Variants in KAT6B observed in about 807,000 individuals in gnomAD.
KAT6B encodes lysine acetyltransferase 6B, also known as histone acetyltransferase KAT6B.
Under a neutral mutation model 187.5 loss-of-function variants are expected in KAT6B, and 10 were observed. The observed-to-expected ratio is 0.05, with a 90% confidence interval of 0.03 to 0.09. The LOEUF (loss-of-function observed/expected upper bound fraction) is 0.09. Among genes scored for constraint, KAT6B ranks in the 10% least tolerant of loss-of-function variants. The pLI, the probability that KAT6B is intolerant of heterozygous loss-of-function variation, is 1.00. For synonymous variants in KAT6B, 861 were observed against 926.8 expected (o/e 0.93, Z 1.29); for missense variants, 1,952 against 2,558.9 (o/e 0.76, Z 5.12).
At chr10:74,975,054 C>G (rs1321155984) in intron 7 of KAT6B, among the ~76,000 whole-genome samples, 2 of 152,212 alleles carry the variant, frequency 1.3e-5, no homozygotes, top group Non-Finnish European at 2.9e-5. Flanking sequence ...TTCAGGAAAT[C>G]ATAACTACTT....
At chr10:74,912,879 A>G (rs1847348520) in intron 3 of KAT6B, among the ~76,000 whole-genome samples, 1 of 152,156 alleles carries the variant, frequency 6.6e-6, no homozygotes, top group Admixed American at 6.6e-5. Context: ...TGATTCCCCA[A>G]CATCAGCCCC....
intron 3 of KAT6B, among the ~76,000 whole-genome samples, 194 bp from the exon 4 acceptor site, chr10:74,959,776 G>A (rs758946904): frequency 7.9e-5 from 12 of 152,250 alleles, no homozygotes; most frequent in East Asian, 1.9e-4. Flanking sequence ...GCGACAGAGC[G>A]AGACTTCGTC....
At position 75,030,827 on chromosome 10, in the gene KAT6B, G is replaced by C. The variant is rs750868247; in HGVS notation, c.6003G>C (p.Met2001Ile). ...ATGGGTACAGCATGTCCCAGCCAAT[G>C]ATGAACAGTGGCTACCACAGCAATC... ...AMNGYSMSQPMMNSGYHSNHG... is the reference protein window; with the variant it reads ...AMNGYSMSQPIMNSGYHSNHG... Residue 2001 changes from methionine (M) to isoleucine (I), a missense_variant, in exon 18 of 18, where the codon ATG (methionine) becomes ATC (isoleucine). Met to Ile is a conservative substitution (Grantham distance 10, BLOSUM62 1). This residue lies in a region of KAT6B where 358 missense variants were observed against 436.3 expected (regional missense o/e 0.82). Transcript: ENST00000287239. This position sits in a 1 kb window ranked among gnomAD's most constrained non-coding sequence, Gnocchi z 4.8. 7 of 1,614,102 alleles carry C rather than the reference G, an allele frequency of 4.3e-6. No homozygotes were observed. The African/African-American group carries it at 9.3e-5, about 22-fold the overall frequency.
In KAT6B at chr10:75,031,596, T is replaced by G. The variant is rs1259810090; in HGVS notation, c.*550T>G. The G allele has an allele frequency of 4.6e-6, 1 of 218,624 alleles. No individual in the cohort carries two copies. The highest frequency in any genetic ancestry group is 6.8e-5 in the East Asian group (1 of 14,608). 13.5% of individuals were successfully genotyped at this position (218,624 alleles called of 1,614,324 possible). A position where few individuals can be genotyped will look rare whatever the true frequency, so the allele number is the denominator to read the frequency against. On this transcript the variant is annotated 3_prime_UTR_variant, in exon 18 of 18. Coordinates refer to ENST00000287239, the MANE Select transcript of KAT6B (RefSeq NM_012330.4). ...CTTAAGTTTTTTGCCTTGATTAGGGTGCCCTAATTTGAGGGTTTTAAAAAA... is the reference window on the plus strand; with the variant it reads ...CTTAAGTTTTTTGCCTTGATTAGGGGGCCCTAATTTGAGGGTTTTAAAAAA...
At chr10:74,913,735 A>G (rs1025205977) in intron 3 of KAT6B, among the ~76,000 whole-genome samples, 2 of 152,260 alleles carry the variant, frequency 1.3e-5, no homozygotes, top group Non-Finnish European at 2.9e-5. Context: ...ACGGTCCACT[A>G]ACAGATAAGC....
At chr10:74,864,096 T>G (rs1444802711) in intron 3 of KAT6B, among the ~76,000 whole-genome samples, 1 of 152,144 alleles carries the variant, frequency 6.6e-6, no homozygotes, top group Non-Finnish European at 1.5e-5. Flanking sequence ...TGAGACAGGG[T>G]CTCTCTCTTT....
At chr10:74,850,417 C>T (rs548479196) in intron 3 of KAT6B, among the ~76,000 whole-genome samples, 7 of 152,216 alleles carry the variant, frequency 4.6e-5, no homozygotes, top group Admixed American at 6.5e-5. Context: ...ATCATCATTC[C>T]GATGCATGAC....
At chr10:74,944,569 G>T (rs1023547625) in intron 3 of KAT6B, among the ~76,000 whole-genome samples, 2 of 152,138 alleles carry the variant, frequency 1.3e-5, no homozygotes, top group Non-Finnish European at 2.9e-5. Context: ...CAGCACTTTG[G>T]GAGGTCAAGG....
chr10:74,927,985 G>A (rs921619530), intron 3 of KAT6B, among the ~76,000 whole-genome samples: 6 of 152,082 alleles, frequency 3.9e-5, no homozygotes, highest in African/African-American at 1.4e-4. Context: ...AAAAGAAATG[G>A]TCTACCTGGC....
In KAT6B at chr10:74,843,298, C is replaced by T. The variant is rs746869008; in HGVS notation, c.441C>T (p.Ala147=). 1.2e-6 allele frequency: 2 copies of T among 1,613,740 alleles called. No homozygotes were observed. The highest frequency in any genetic ancestry group is 8.5e-7 in the Non-Finnish European group (1 of 1,179,862). ...TCACAAGCACCACCAACAACCCAGC[C>T]TTTCAGCAGCGGCTGCGACTGGGGG... is the stretch of plus-strand genomic sequence containing the variant. ...SDLTSTTNNP[A]FQQRLRLGAK... is the part of the protein sequence containing the mutation. Residue 147 remains alanine, a synonymous_variant, in exon 3 of 18, where the codon GCC becomes GCT. Coordinates refer to ENST00000287239, the MANE Select transcript of KAT6B (RefSeq NM_012330.4).
intron 4 of KAT6B, among the ~76,000 whole-genome samples, chr10:74,965,729 C>CTT (rs755126285): frequency 4.2e-5 from 6 of 141,996 alleles, no homozygotes; most frequent in African/African-American, 1.3e-4. Flanking sequence ...GATCCATGTT[C>CTT]TTTTTTTTTT....
chr10:74,860,637 G>T (rs1416401341), intron 3 of KAT6B, among the ~76,000 whole-genome samples: 2 of 152,084 alleles, frequency 1.3e-5, no homozygotes, highest in Non-Finnish European at 2.9e-5. Flanking sequence ...GTGAATTCTT[G>T]CAATATATAA....
chr10:74,886,818 A>G (rs887074792), intron 3 of KAT6B, among the ~76,000 whole-genome samples: 9 of 152,206 alleles, frequency 5.9e-5, no homozygotes, highest in African/African-American at 1.7e-4. Flanking sequence ...CCCAGGAACC[A>G]GAGCTCACTT....
At chr10:75,010,716 C>G (rs1427609231) in intron 13 of KAT6B, among the ~76,000 whole-genome samples, 1 of 152,190 alleles carries the variant, frequency 6.6e-6, no homozygotes, top group East Asian at 1.9e-4. Context: ...GCACCCCTCT[C>G]CCACCCTCCA....
At chr10:74,954,428 C>T (rs1330431272) in intron 3 of KAT6B, among the ~76,000 whole-genome samples, 1 of 151,864 alleles carries the variant, frequency 6.6e-6, no homozygotes, top group East Asian at 1.9e-4. Context: ...TGTGAACTTA[C>T]TTAATGCCAT....
At chr10:74,955,441 A>G (rs1840618876) in intron 3 of KAT6B, among the ~76,000 whole-genome samples, 1 of 145,278 alleles carries the variant, frequency 6.9e-6, no homozygotes, top group African/African-American at 2.5e-5. Context: ...AAATTATAGA[A>G]TGAACACCCA....
chr10:74,959,138 CCTT>C (rs1446971162), intron 3 of KAT6B, among the ~76,000 whole-genome samples: 1 of 152,064 alleles, frequency 6.6e-6, no homozygotes, highest in East Asian at 1.9e-4. Context: ...CTTTTGAAGA[CCTT>C]CGTGGCACAA....
chr10:74,854,551 A>T (rs552069060), intron 3 of KAT6B, among the ~76,000 whole-genome samples: 1 of 152,128 alleles, frequency 6.6e-6, no homozygotes, highest in Non-Finnish European at 1.5e-5. Context: ...GAATGATACT[A>T]GATTTAAACT....
intron 3 of KAT6B, among the ~76,000 whole-genome samples, chr10:74,947,287 C>T (rs546006011): frequency 2.2e-4 from 34 of 152,126 alleles, no homozygotes; most frequent in African/African-American, 7.0e-4. Context: ...CCACCGCTCC[C>T]GGCTGAAAAA....
Sources: gnomAD v4.1 joint callset for allele counts (sites outside exome capture counted in the v4.1 genomes callset) on GRCh38, gnomAD v4.1.1 for gene constraint, gnomAD v4.1.1 regional missense constraint, Gnocchi (gnomAD v3.1) non-coding constraint, MANE v1.5 for transcripts, NCBI Gene and HGNC (gene_info 2026-07-23, HGNC 2026-07-21) for gene names.